GALNT13: variants seen among roughly 807,000 people sequenced by gnomAD.
The protein encoded by GALNT13 is polypeptide N-acetylgalactosaminyltransferase 13.
In GALNT13, 28 loss-of-function variants were observed where a neutral mutation model predicts 64.2. That is an observed-to-expected ratio of 0.44 (90% CI 0.32 to 0.60). The LOEUF (loss-of-function observed/expected upper bound fraction) is 0.60, where lower values mean the gene tolerates loss of function less well. Among genes scored for constraint, GALNT13 ranks in the 20% least tolerant of loss-of-function variants. The pLI, the probability that GALNT13 is intolerant of heterozygous loss-of-function variation, is 0.05. For missense variants in GALNT13, 577 were observed against 669.8 expected (o/e 0.86, Z 1.53); for synonymous variants, 214 against 224.6 (o/e 0.95, Z 0.42).
the GALNT13 span, among the ~76,000 whole-genome samples, chr2:153,553,276 G>T: frequency 6.6e-6 from 1 of 152,086 alleles, no homozygotes; most frequent in Non-Finnish European, 1.5e-5. Flanking sequence ...AGGCATGTGG[G>T]TTATTTGAGC....
the GALNT13 span, among the ~76,000 whole-genome samples, chr2:153,401,137 A>T: frequency 6.6e-6 from 1 of 151,966 alleles, no homozygotes; most frequent in Non-Finnish European, 1.5e-5. Context: ...CTTTGTTCTC[A>T]TTGGTTTCAA....
chr2:154,235,678 A>T (rs1277425559), intron 4 of GALNT13, among the ~76,000 whole-genome samples: 1 of 152,190 alleles, frequency 6.6e-6, no homozygotes, highest in Non-Finnish European at 1.5e-5. Context: ...CCAACAAGTC[A>T]TGCAAACTCC....
chr2:153,156,289 T>C, the GALNT13 span, among the ~76,000 whole-genome samples: 1 of 152,192 alleles, frequency 6.6e-6, no homozygotes. Context: ...AACAATTCTG[T>C]CATTTAATCA....
chr2:154,417,267 AAAAC>A (rs1700051659), intron 11 of GALNT13, among the ~76,000 whole-genome samples: 1 of 150,164 alleles, frequency 6.7e-6, no homozygotes, highest in South Asian at 2.1e-4. Flanking sequence ...CCCAGTTGGA[AAAAC>A]AAACAAGCAC....
At chr2:154,032,234 A>G (rs1698384849) in intron 3 of GALNT13, among the ~76,000 whole-genome samples, 1 of 152,108 alleles carries the variant, frequency 6.6e-6, no homozygotes, top group African/African-American at 2.4e-5. Flanking sequence ...TGAAAGATAT[A>G]CAACACGAAC....
intron 9 of GALNT13, among the ~76,000 whole-genome samples, chr2:154,351,858 A>G (rs536863300): frequency 6.6e-6 from 1 of 152,276 alleles, no homozygotes; most frequent in Non-Finnish European, 1.5e-5. Flanking sequence ...GTAGTTTTAT[A>G]TATGCATATA....
chr2:153,408,256 A>G, the GALNT13 span, among the ~76,000 whole-genome samples: 11 of 151,492 alleles, frequency 7.3e-5, no homozygotes, highest in Non-Finnish European at 1.6e-4. Context: ...CTGGTTGCCA[A>G]TAGAGGAAGA....
chr2:154,205,590 G>C (rs1687399238), intron 4 of GALNT13, among the ~76,000 whole-genome samples: 1 of 152,178 alleles, frequency 6.6e-6, no homozygotes, highest in Non-Finnish European at 1.5e-5. Context: ...ACTTACAAAA[G>C]AAAGAGGTTT....
intron 3 of GALNT13, among the ~76,000 whole-genome samples, chr2:153,986,320 T>C (rs543150002): frequency 3.3e-5 from 5 of 152,062 alleles, no homozygotes; most frequent in Non-Finnish European, 7.4e-5. Flanking sequence ...TATATATCCC[T>C]CATTTAAAAC....
the GALNT13 span, among the ~76,000 whole-genome samples, chr2:153,663,297 A>G: frequency 6.6e-6 from 1 of 152,222 alleles, no homozygotes; most frequent in African/African-American, 2.4e-5. Flanking sequence ...AAAATCAACA[A>G]TGGAGTATAG....
upstream of GALNT13, among the ~76,000 whole-genome samples, chr2:153,867,698 C>T (rs1401747658): frequency 6.6e-6 from 1 of 151,790 alleles, no homozygotes; most frequent in African/African-American, 2.4e-5. Flanking sequence ...GGCTTGTATT[C>T]CTGCAACTAG....
chr2:153,093,287 G>A, the GALNT13 span, among the ~76,000 whole-genome samples: 1 of 139,220 alleles, frequency 7.2e-6, no homozygotes, highest in Non-Finnish European at 1.5e-5. Flanking sequence ...TGCCCAGGCT[G>A]GAGTGCAGTG....
At chr2:154,455,714 A>G (rs1457386981), downstream of GALNT13, among the ~76,000 whole-genome samples, 2 of 152,162 alleles carry the variant, frequency 1.3e-5, no homozygotes, top group East Asian at 3.9e-4. Context: ...GTTTTAAATA[A>G]TTTGTGTATA....
the GALNT13 span, among the ~76,000 whole-genome samples, chr2:153,335,882 G>T: frequency 6.6e-6 from 1 of 152,172 alleles, no homozygotes; most frequent in African/African-American, 2.4e-5. Context: ...TGTGGGCTGG[G>T]CCCAGGGTCC....
the GALNT13 span, among the ~76,000 whole-genome samples, chr2:153,326,364 T>G: frequency 2.6e-5 from 4 of 152,010 alleles, no homozygotes; most frequent in Admixed American, 2.6e-4. Flanking sequence ...TCCCTTTATT[T>G]TGAGCCTATG....
At chr2:153,149,505 TCTTA>T in the GALNT13 span, among the ~76,000 whole-genome samples, 21 of 151,990 alleles carry the variant, frequency 1.4e-4, no homozygotes, top group Middle Eastern at 6.8e-3. Context: ...TTGTCCTGGT[TCTTA>T]CTTCTCCTTC....
chr2:154,417,954 A>G (rs1700095507), intron 11 of GALNT13, among the ~76,000 whole-genome samples: 1 of 152,008 alleles, frequency 6.6e-6, no homozygotes, highest in South Asian at 2.1e-4. Context: ...TCTTGTTTTT[A>G]ACTTATATAT....
the GALNT13 span, among the ~76,000 whole-genome samples, chr2:153,659,087 A>C: frequency 5.3e-5 from 8 of 152,264 alleles, no homozygotes; most frequent in African/African-American, 1.9e-4. Flanking sequence ...ATTTTATTCC[A>C]CACATGTATT....
At chr2:153,601,629 A>C in the GALNT13 span, among the ~76,000 whole-genome samples, 3 of 151,692 alleles carry the variant, frequency 2.0e-5, no homozygotes, top group Non-Finnish European at 4.4e-5. Flanking sequence ...TGTGGTTATA[A>C]ATGAAATGAA....
Sources: gnomAD v4.1 joint callset for allele counts (sites outside exome capture counted in the v4.1 genomes callset) on GRCh38, gnomAD v4.1.1 for gene constraint, MANE v1.5 for transcripts, NCBI Gene and HGNC (gene_info 2026-07-23, HGNC 2026-07-21) for gene names.